PUS7L: variants seen among roughly 807,000 people sequenced by gnomAD.
PUS7L encodes the protein pseudouridylate synthase PUS7L.
PUS7L carries 49 observed loss-of-function variants against 51.1 expected under a neutral mutation model. That is an observed-to-expected ratio of 0.96 (90% CI 0.76 to 1.22). The LOEUF (loss-of-function observed/expected upper bound fraction) is 1.22, where lower values mean the gene tolerates loss of function less well. PUS7L is among the 50% of genes most tolerant of loss of function. PUS7L has a pLI of 0.00. For synonymous variants in PUS7L, 277 were observed against 276.2 expected, an observed-to-expected ratio of 1.00 and a Z score of -0.03; for missense variants, 828 against 820.6, an observed-to-expected ratio of 1.01 and a Z score of -0.11.
At chr12:43,753,629 G>A (rs1192674946) in intron 2 of PUS7L, among the ~76,000 whole-genome samples, 1 of 152,074 alleles carries the variant, frequency 6.6e-6, no homozygotes, top group Non-Finnish European at 1.5e-5. Flanking sequence ...CTAGTCAGCT[G>A]GACTTTTACA....
chr12:43,741,872 T>C (rs981539900), intron 5 of PUS7L, among the ~76,000 whole-genome samples: 3 of 152,342 alleles, frequency 2.0e-5, no homozygotes, highest in East Asian at 3.9e-4. Context: ...TAATCTTGCA[T>C]TTGTTCAAAT....
rs1944448154 is a variant in PUS7L, at chr12:43,725,878, G to A, written c.*4498C>T. The A allele has an allele frequency of 6.6e-6, 1 of 151,822 alleles. No homozygotes were observed. Among genetic ancestry groups the A allele is most frequent in the African/African-American group, 2.4e-5 (1 of 41,298 alleles). 9.4% of individuals were successfully genotyped at this position (151,822 alleles called of 1,614,324 possible). A position where few individuals can be genotyped will look rare whatever the true frequency, so the allele number is the denominator to read the frequency against. ...GAAGATAATACCTCCACACAGGGTG[G>A]GAATATGGATTAAAGTGTGAGATAC... On this transcript the variant is annotated 3_prime_UTR_variant, in exon 9 of 9. Coordinates refer to ENST00000344862, the MANE Select transcript of PUS7L (RefSeq NM_031292.5).
Position 43,725,928 on chromosome 12 carries a change from G to A in PUS7L, c.*4448C>T, listed in dbSNP as rs1008523488. 1 of 152,000 alleles carries A rather than the reference G, an allele frequency of 6.6e-6. No individual in the cohort carries two copies. Among genetic ancestry groups the A allele is most frequent in the Non-Finnish European group, 1.5e-5 (1 of 68,010 alleles). 9.4% of individuals were successfully genotyped at this position (152,000 alleles called of 1,614,324 possible). On this transcript the variant is annotated 3_prime_UTR_variant, in exon 9 of 9. Transcript: ENST00000344862. ...CTGACATAATAGATACTCAGAAAATGTTAGTTAAATCAAAAGTTACATGAC... is the reference window on the plus strand; with the variant it reads ...CTGACATAATAGATACTCAGAAAATATTAGTTAAATCAAAAGTTACATGAC...
chr12:43,729,319 A>G lies in PUS7L; in HGVS notation c.*1057T>C, dbSNP rs906743281. ...AATGGTTAAACTGGCTTAAGTATAT[A>G]TATCACATTACTGATATATAATGCT... is the stretch of plus-strand genomic sequence containing the variant. On this transcript the variant is annotated 3_prime_UTR_variant, in exon 9 of 9. Transcript: ENST00000344862. 1.1e-4 allele frequency: 43 copies of G among 395,700 alleles called. No individual in the cohort carries two copies. The highest frequency in any genetic ancestry group is 1.7e-4 in the Non-Finnish European group (39 of 224,184). 24.5% of individuals were successfully genotyped at this position (395,700 alleles called of 1,614,324 possible).
chr12:43,726,103 A>T lies in PUS7L; in HGVS notation c.*4273T>A, dbSNP rs868551689. On this transcript the variant is annotated 3_prime_UTR_variant, in exon 9 of 9. Transcript: ENST00000344862. ...CTTGGCAATTAAAACTAATTCAAAT[A>T]TAGCAATGAGGGAGGCATCACACAA... 6.6e-6 allele frequency: 1 copy of T among 152,184 alleles called. No individual in the cohort carries two copies. The highest frequency in any genetic ancestry group is 2.4e-5 in the African/African-American group (1 of 41,438). The allele number at this position is 152,184 out of a possible 1,614,324, so 9.4% of individuals were successfully genotyped here.
In PUS7L at chr12:43,722,651, A is replaced by G. The variant is rs1387053939; in HGVS notation, c.*7725T>C. 2 of 152,154 alleles carry G rather than the reference A, an allele frequency of 1.3e-5. No homozygotes were observed. The highest frequency in any genetic ancestry group is 6.5e-5 in the Admixed American group (1 of 15,274). The allele number at this position is 152,154 out of a possible 1,614,324, so 9.4% of individuals were successfully genotyped here. ...ATTATAACCTATCATTCATTTTATT[A>G]TAATGGAATTATAAAGGTTATAGAA... On this transcript the variant is annotated 3_prime_UTR_variant, in exon 9 of 9. Transcript: ENST00000344862.
At position 43,728,084 on chromosome 12, in the gene PUS7L, G is replaced by A. The variant is rs377456619; in HGVS notation, c.*2292C>T. ...AAAAAAAAACTAATCCAAAGATCAT[G>A]CTTATGAAGGTCTGAAATGCCCCAG... On this transcript the variant is annotated 3_prime_UTR_variant, in exon 9 of 9. Transcript: ENST00000344862. 1.3e-5 allele frequency: 2 copies of A among 151,690 alleles called. No homozygotes were observed. Among genetic ancestry groups the A allele is most frequent in the African/African-American group, 4.8e-5 (2 of 41,318 alleles). 9.4% of individuals were successfully genotyped at this position (151,690 alleles called of 1,614,324 possible).
At chr12:43,742,900 TC>T (rs777854816) in intron 4 of PUS7L, among the ~76,000 whole-genome samples, 24 of 152,202 alleles carry the variant, frequency 1.6e-4, no homozygotes, top group Non-Finnish European at 2.9e-4. Flanking sequence ...CAAGATCTGA[TC>T]CCTACTCTGA....
chr12:43,751,191 T>A (rs1460603425), intron 2 of PUS7L, among the ~76,000 whole-genome samples: 2 of 149,368 alleles, frequency 1.3e-5, no homozygotes, highest in Non-Finnish European at 3.0e-5. Flanking sequence ...TTATTTATTT[T>A]TAATTTATAT....
At chr12:43,734,526 A>C (rs1408346069) in intron 7 of PUS7L, among the ~76,000 whole-genome samples, 2 of 152,192 alleles carry the variant, frequency 1.3e-5, no homozygotes, top group African/African-American at 4.8e-5. Flanking sequence ...AAAAAACCTT[A>C]ATTAATACAT....
Position 43,723,432 on chromosome 12 carries a change from A to G in PUS7L, c.*6944T>C, listed in dbSNP as rs540545574. On this transcript the variant is annotated 3_prime_UTR_variant, in exon 9 of 9. Coordinates refer to ENST00000344862, the MANE Select transcript of PUS7L (RefSeq NM_031292.5). The stretch of plus-strand genomic sequence containing the variant: ...AGATGCTTAGAAATGCTAAATAAGT[A>G]TCATTTAAGGATTTAGAATGGAGTG... The G allele has an allele frequency of 6.6e-6, 1 of 152,154 alleles. No homozygotes were observed. Among genetic ancestry groups the G allele is most frequent in the Non-Finnish European group, 1.5e-5 (1 of 67,970 alleles). 9.4% of individuals were successfully genotyped at this position (152,154 alleles called of 1,614,324 possible). A position where few individuals can be genotyped will look rare whatever the true frequency, so the allele number is the denominator to read the frequency against.
intron 7 of PUS7L, among the ~76,000 whole-genome samples, chr12:43,732,175 A>T (rs1189814991): frequency 6.6e-6 from 1 of 151,764 alleles, no homozygotes; most frequent in East Asian, 1.9e-4. Flanking sequence ...TTTTTCTCTG[A>T]CTGGATGTGG....
At chr12:43,730,911 C>A (rs568746880) in intron 8 of PUS7L, among the ~76,000 whole-genome samples, 1 of 152,102 alleles carries the variant, frequency 6.6e-6, no homozygotes, top group Non-Finnish European at 1.5e-5. Flanking sequence ...CAAGGACTCA[C>A]AATAACTAAG....
intron 7 of PUS7L, among the ~76,000 whole-genome samples, 195 bp downstream of exon 7, chr12:43,736,186 T>A (rs1337692045): frequency 6.6e-6 from 1 of 152,198 alleles, no homozygotes; most frequent in Admixed American, 6.5e-5. Context: ...TACCACTATT[T>A]TTATCTTTCC....
intron 7 of PUS7L, among the ~76,000 whole-genome samples, chr12:43,732,674 C>T: frequency 6.6e-6 from 1 of 152,212 alleles, no homozygotes. Flanking sequence ...TCAGCGCATT[C>T]TCATATTCCT....
chr12:43,729,323 C>A lies in PUS7L; in HGVS notation c.*1053G>T. ...GTTAAACTGGCTTAAGTATATATAT[C>A]ACATTACTGATATATAATGCTCCAT... On this transcript the variant is annotated 3_prime_UTR_variant, in exon 9 of 9. Coordinates refer to ENST00000344862, the MANE Select transcript of PUS7L (RefSeq NM_031292.5). The A allele has an allele frequency of 2.5e-6, 1 of 395,014 alleles. No individual in the cohort carries two copies. Among genetic ancestry groups the A allele is most frequent in the South Asian group, 1.3e-4 (1 of 7,586 alleles). The allele number at this position is 395,014 out of a possible 1,614,324, so 24.5% of individuals were successfully genotyped here.
intron 3 of PUS7L, among the ~76,000 whole-genome samples, chr12:43,747,991 G>A (rs1252419451): frequency 1.3e-5 from 2 of 152,080 alleles, no homozygotes; most frequent in Non-Finnish European, 2.9e-5. Context: ...GTTTCACCAT[G>A]TTGGCCAGGC....
intron 7 of PUS7L, among the ~76,000 whole-genome samples, chr12:43,734,986 G>A (rs1240582529): frequency 6.6e-6 from 1 of 152,122 alleles, no homozygotes; most frequent in Non-Finnish European, 1.5e-5. Context: ...ATGATTTATG[G>A]AACCCAGTTT....
intron 5 of PUS7L, 108 bp downstream of exon 5, chr12:43,742,349 G>T: frequency 1.4e-6 from 1 of 714,402 alleles, no homozygotes; most frequent in Non-Finnish European, 2.4e-6. Context: ...TTTGGTATGT[G>T]AGTGTTTACA....
Sources: allele counts gnomAD v4.1 joint callset (sites outside exome capture counted in the v4.1 genomes callset), GRCh38; gene constraint gnomAD v4.1.1; transcripts MANE v1.5; gene names NCBI Gene and HGNC (gene_info 2026-07-23, HGNC 2026-07-21).